Variants in ATPAF1 observed in about 807,000 individuals in gnomAD.
ATPAF1 encodes the protein ATP synthase mitochondrial F1 complex assembly factor 1.
Under a neutral mutation model 43.9 loss-of-function variants are expected in ATPAF1, and 26 were observed. The ratio of observed to expected loss-of-function variants is 0.59; its 90% CI spans 0.43 to 0.82. The LOEUF is 0.82. ATPAF1 is among the 40% of genes least tolerant of loss of function. The pLI is 0.00. For missense variants in ATPAF1, 366 were observed against 435.0 expected, an observed-to-expected ratio of 0.84 and a Z score of 1.41; for synonymous variants, 157 against 168.0, an observed-to-expected ratio of 0.93 and a Z score of 0.50.
At chr1:46,654,051 A>G (rs570833251) in intron 4 of ATPAF1, among the ~76,000 whole-genome samples, 184 bp from the exon 5 acceptor site, 140 of 152,362 alleles carry the variant, frequency 9.2e-4, no homozygotes, top group Middle Eastern at 3.4e-3. Context: ...ACTCTTCTAG[A>G]TGATTAAACT....
intron 6 of ATPAF1, among the ~76,000 whole-genome samples, chr1:46,651,850 C>A (rs1676175502): frequency 6.6e-6 from 1 of 151,988 alleles, no homozygotes; most frequent in Non-Finnish European, 1.5e-5. Flanking sequence ...AAACAAACAA[C>A]CCCATCAAAA....
At chr1:46,641,105 T>C (rs1675941828) in intron 8 of ATPAF1, among the ~76,000 whole-genome samples, 1 of 152,024 alleles carries the variant, frequency 6.6e-6, no homozygotes, top group South Asian at 2.1e-4. Context: ...TTAGACAGAG[T>C]CTGGGTCTGT....
chr1:46,638,369 A>G (rs1310659205), intron 8 of ATPAF1, among the ~76,000 whole-genome samples: 1 of 152,236 alleles, frequency 6.6e-6, no homozygotes, highest in Non-Finnish European at 1.5e-5. Flanking sequence ...CTATAATCCC[A>G]GCACTTTGGG....
intron 7 of ATPAF1, among the ~76,000 whole-genome samples, 193 bp downstream of exon 7, chr1:46,644,968 C>CT (rs1171278562): frequency 6.6e-6 from 1 of 152,174 alleles, no homozygotes; most frequent in African/African-American, 2.4e-5. Context: ...GTTTTGGAGT[C>CT]TTTTCCAATT....
exon 9 of ATPAF1, chr1:46,635,403 T>C (rs1675818846): frequency 5.1e-6 from 1 of 195,700 alleles, no homozygotes; most frequent in Non-Finnish European, 1.1e-5. Flanking sequence ...TATCCTGTCA[T>C]GAGTTCATAA....
upstream of ATPAF1, chr1:46,668,392 C>G: frequency 8.3e-7 from 1 of 1,201,036 alleles, no homozygotes; most frequent in South Asian, 3.8e-5. The surrounding 1 kb of genome is among the most constrained non-coding windows in gnomAD (Gnocchi z 4.4). Context: ...CCCGCTCCAT[C>G]CCGCTCCGAG....
At chr1:46,644,315 T>A (rs1183298926) in intron 7 of ATPAF1, among the ~76,000 whole-genome samples, 1 of 152,056 alleles carries the variant, frequency 6.6e-6, no homozygotes, top group Non-Finnish European at 1.5e-5. Context: ...ACAATGTAAC[T>A]AACATCTGAG....
At chr1:46,665,315 G>A (rs199882396) in exon 2 of ATPAF1, 125 of 1,614,234 alleles carry the variant, frequency 7.7e-5, no homozygotes, top group Admixed American at 1.0e-4. Context: ...GGCTGCTTCC[G>A]AAATTCACTG....
intron 8 of ATPAF1, among the ~76,000 whole-genome samples, chr1:46,638,934 T>C (rs1675895321): frequency 6.6e-6 from 1 of 152,200 alleles, no homozygotes; most frequent in African/African-American, 2.4e-5. Context: ...GACTATTTTA[T>C]TCCCTACATA....
At chr1:46,636,594 T>C (rs949680530) in intron 8 of ATPAF1, among the ~76,000 whole-genome samples, 2 of 152,162 alleles carry the variant, frequency 1.3e-5, no homozygotes, top group Non-Finnish European at 2.9e-5. Flanking sequence ...GTAATGGCTA[T>C]ACTCAGTGAC....
At chr1:46,647,589 T>C (rs866878370) in intron 6 of ATPAF1, among the ~76,000 whole-genome samples, 1 of 152,216 alleles carries the variant, frequency 6.6e-6, no homozygotes, top group Non-Finnish European at 1.5e-5. Flanking sequence ...TTTCCAGCAT[T>C]GGTTGTTACA....
chr1:46,654,685 C>G (rs1039015893), intron 4 of ATPAF1, among the ~76,000 whole-genome samples: 4 of 151,892 alleles, frequency 2.6e-5, no homozygotes, highest in Admixed American at 2.6e-4. Context: ...TGATATCCCT[C>G]CCCCAGCCCT....
chr1:46,635,027 T>C (rs1675810840), downstream of ATPAF1: 2 of 152,654 alleles, frequency 1.3e-5, no homozygotes. Context: ...AAAAAAATCA[T>C]GCAAACCAGG....
chr1:46,664,927 C>A, intron 2 of ATPAF1: 1 of 240,406 alleles, frequency 4.2e-6, no homozygotes, highest in Non-Finnish European at 8.1e-6. Context: ...TCCCCCACAA[C>A]GTTCCTAGCC....
rs201348498 is a variant in ATPAF1, at chr1:46,655,289, TA to T, written c.490-1423del. 5.9e-3 allele frequency among the ~76,000 whole-genome samples: 892 copies of T among 152,272 alleles called. 31 individuals are homozygous for T. The highest frequency in any genetic ancestry group is 0.053 in the Admixed American group (808 of 15,288). ...TTATTGGCATGTTATAGGCAGCTCT[TA>T]AAATCCTGCTTCCAGAAAGTCTTCT... is the stretch of plus-strand genomic sequence containing the variant. On this transcript the variant is annotated intron_variant, in intron 4 of 8. Coordinates refer to ENST00000574428, the Ensembl canonical transcript of ATPAF1.
chr1:46,668,224 G>T lies in ATPAF1; in HGVS notation c.99C>A (p.Ala33=). Residue 33 remains alanine, a synonymous_variant, in exon 1 of 9, where the codon GCC becomes GCA. Transcript: ENST00000574428. This position sits in a 1 kb window ranked among gnomAD's most constrained non-coding sequence, Gnocchi z 4.4. ...CGGGTGACACGAGCCCCAGGCCCAG[G>T]GCGCGGCTGCGCACCGCGCACAGGC... is the stretch of plus-strand genomic sequence containing the variant. 7.3e-7 allele frequency: 1 copy of T among 1,370,598 alleles called. No individual in the cohort carries two copies. Among genetic ancestry groups the T allele is most frequent in the South Asian group, 1.7e-5 (1 of 59,302 alleles). The allele number at this position is 1,370,598 out of a possible 1,614,324, so 84.9% of individuals were successfully genotyped here. A position where few individuals can be genotyped will look rare whatever the true frequency, so the allele number is the denominator to read the frequency against.
chr1:46,668,063 A>G lies in ATPAF1; in HGVS notation c.260T>C (p.Leu87Pro), dbSNP rs967164911. The stretch of plus-strand genomic sequence containing the variant: ...AGCCAACCCAGGCCCGCACCTGCGC[A>G]GCAGCTGGATCTTGTCGCGGTAGCG... Residue 87 changes from leucine to proline, a missense_variant, in exon 1 of 9, where the codon CTG (leucine) becomes CCG (proline). Transcript: ENST00000574428. This position sits in a 1 kb window ranked among gnomAD's most constrained non-coding sequence, Gnocchi z 4.4. 1 of 1,423,296 alleles carries G rather than the reference A, an allele frequency of 7.0e-7. No individual in the cohort carries two copies. The highest frequency in any genetic ancestry group is 9.2e-7 in the Non-Finnish European group (1 of 1,084,652). 88.2% of individuals were successfully genotyped at this position (1,423,296 alleles called of 1,614,324 possible).
At chr1:46,659,975 CTTTCT>C (rs1325281609) in intron 2 of ATPAF1, among the ~76,000 whole-genome samples, 7 of 146,298 alleles carry the variant, frequency 4.8e-5, no homozygotes, top group Non-Finnish European at 1.1e-4. Context: ...CATTTTCTTT[CTTTCT>C]TTTTTTTTTT....
At chr1:46,642,469 T>C (rs189054409) in intron 8 of ATPAF1, among the ~76,000 whole-genome samples, 5 of 152,320 alleles carry the variant, frequency 3.3e-5, no homozygotes, top group Admixed American at 6.5e-5. Flanking sequence ...ACACTGCTCC[T>C]GGCACCTGGA....
Sources: allele counts gnomAD v4.1 joint callset (sites outside exome capture counted in the v4.1 genomes callset), GRCh38; gene constraint gnomAD v4.1.1; non-coding constraint Gnocchi (gnomAD v3.1); transcripts MANE v1.5; gene names NCBI Gene and HGNC (gene_info 2026-07-23, HGNC 2026-07-21).